Variants in ITSN1 observed in about 807,000 individuals in gnomAD.
ITSN1 encodes the protein intersectin 1, also known as intersectin-1.
Under a neutral mutation model 239.8 loss-of-function variants are expected in ITSN1, and 58 were observed. That is an observed-to-expected ratio of 0.24 (90% CI 0.20 to 0.30). The LOEUF (loss-of-function observed/expected upper bound fraction) is 0.30, where lower values mean the gene tolerates loss of function less well. Among genes scored for constraint, ITSN1 ranks in the 10% least tolerant of loss-of-function variants. ITSN1 has a pLI of 1.00. For missense variants in ITSN1, 1,558 were observed against 2,103.3 expected, an observed-to-expected ratio of 0.74 and a Z score of 5.07; for synonymous variants, 780 against 770.8, an observed-to-expected ratio of 1.01 and a Z score of -0.20.
At chr21:33,794,086 AG>A (rs1186310784) in intron 16 of ITSN1, among the ~76,000 whole-genome samples, 1 of 152,236 alleles carries the variant, frequency 6.6e-6, no homozygotes, top group African/African-American at 2.4e-5. Flanking sequence ...CTTCGCTAGC[AG>A]GTTTCTTCTA....
chr21:33,709,518 G>A, intron 1 of ITSN1, among the ~76,000 whole-genome samples: 1 of 152,138 alleles, frequency 6.6e-6, no homozygotes, highest in East Asian at 1.9e-4. Flanking sequence ...CTGTCCTCAG[G>A]TGACTCACCC....
intron 24 of ITSN1, among the ~76,000 whole-genome samples, 177 bp from the exon 25 acceptor site, chr21:33,823,310 A>C (rs1183207503): frequency 6.6e-6 from 1 of 152,168 alleles, no homozygotes. Flanking sequence ...TTTTATGTGC[A>C]CTGGGGGAAT....
At chr21:33,720,668 A>G (rs958773707) in intron 2 of ITSN1, among the ~76,000 whole-genome samples, 6 of 152,186 alleles carry the variant, frequency 3.9e-5, no homozygotes, top group South Asian at 4.1e-4. Context: ...CTTTAGTTGT[A>G]TAATAATTTT....
In ITSN1 at chr21:33,771,905, G is replaced by A. The variant is rs540775875; in HGVS notation, c.1043-156G>A. The A allele has an allele frequency of 8.3e-5, 60 of 722,394 alleles. 1 individual carries two copies. In the South Asian group the frequency reaches 1.0e-3, roughly 12 times the overall value. 44.7% of individuals were successfully genotyped at this position (722,394 alleles called of 1,614,324 possible). On this transcript the variant is annotated intron_variant, in intron 11 of 39. Coordinates refer to ENST00000381318, the MANE Select transcript of ITSN1 (RefSeq NM_003024.3). ...TATAAACAGAGAGGTTAGGCAAAGG[G>A]GGTTTTCGTTGTGCTCATTAACAAG... is the stretch of plus-strand genomic sequence containing the variant.
At chr21:33,812,643 T>C (rs1261047570) in intron 21 of ITSN1, among the ~76,000 whole-genome samples, 3 of 151,994 alleles carry the variant, frequency 2.0e-5, no homozygotes, top group Non-Finnish European at 4.4e-5. Context: ...GGCCTACAGG[T>C]GCATGCCACC....
intron 36 of ITSN1, 148 bp downstream of exon 36, chr21:33,883,819 T>C: frequency 3.8e-6 from 3 of 790,488 alleles, no homozygotes; most frequent in Non-Finnish European, 3.7e-6. Context: ...ATTACTTTTT[T>C]CTACAGCCTC....
chr21:33,867,438 TAGAA>T (rs1981801996), intron 33 of ITSN1, 107 bp downstream of exon 33: 1 of 711,006 alleles, frequency 1.4e-6, no homozygotes, highest in Admixed American at 2.1e-5. Flanking sequence ...AACTGTTGTG[TAGAA>T]AGCACGAGAC....
At chr21:33,646,107 A>G (rs746620706) in intron 1 of ITSN1, among the ~76,000 whole-genome samples, 1 of 152,224 alleles carries the variant, frequency 6.6e-6, no homozygotes, top group Non-Finnish European at 1.5e-5. Flanking sequence ...AGTTAGTGGC[A>G]TATTAAAGCC....
At chr21:33,709,558 A>G (rs2092353031) in intron 1 of ITSN1, among the ~76,000 whole-genome samples, 1 of 152,190 alleles carries the variant, frequency 6.6e-6, no homozygotes, top group Admixed American at 6.5e-5. Context: ...CTGAGGTTAC[A>G]GGCGTGAGGC....
chr21:33,680,224 T>C (rs76580531), intron 1 of ITSN1, among the ~76,000 whole-genome samples: 2,541 of 152,294 alleles, frequency 0.017, 33 homozygotes, highest in Middle Eastern at 0.034. Context: ...TTGTCTTGTG[T>C]CCTGTGGAAT....
At chr21:33,829,152 G>A in intron 26 of ITSN1, 1 of 384,718 alleles carries the variant, frequency 2.6e-6, no homozygotes, top group South Asian at 2.0e-5. Context: ...TGAGGAAAAT[G>A]GGCTTCTCTT....
chr21:33,813,989 C>T lies in ITSN1; in HGVS notation c.2644C>T (p.Pro882Ser). ...GGCAGCCCAGCCCTCTCTCACCGTT[C>T]CAAGTGCCGGCCAGTTAAGGCAGAG... ...AWAAQPSLTV[P>S]SAGQLRQRSA... The change falls in exon 22 of 40, where the codon CCA (proline) becomes TCA (serine). Residue 882 changes from proline (P) to serine (S), a missense_variant. Physicochemically the swap from Pro to Ser is moderately conservative, Grantham distance 74 (BLOSUM62 -1). Coordinates refer to ENST00000381318, the MANE Select transcript of ITSN1 (RefSeq NM_003024.3). 6.2e-7 allele frequency: 1 copy of T among 1,614,186 alleles called. No individual in the cohort carries two copies. The highest frequency in any genetic ancestry group is 8.5e-7 in the Non-Finnish European group (1 of 1,180,020).
chr21:33,846,019 A>AC (rs2074979421), intron 29 of ITSN1, among the ~76,000 whole-genome samples: 1 of 151,264 alleles, frequency 6.6e-6, no homozygotes, highest in Non-Finnish European at 1.5e-5. Context: ...GAATGACTCA[A>AC]CCCCCCTTGT....
intron 1 of ITSN1, among the ~76,000 whole-genome samples, chr21:33,651,726 A>C (rs1053031805): frequency 6.6e-6 from 1 of 152,178 alleles, no homozygotes; most frequent in African/African-American, 2.4e-5. Context: ...AGGCTTTTGC[A>C]TTGTCTATAG....
chr21:33,829,561 T>C, intron 26 of ITSN1, 63 bp from the exon 27 acceptor site: 1 of 1,587,552 alleles, frequency 6.3e-7, no homozygotes. Flanking sequence ...CGCCTGCATC[T>C]TCTTGGCCTT....
intron 1 of ITSN1, among the ~76,000 whole-genome samples, chr21:33,690,775 G>GTATATATATATATACATATATATATA (rs1227484362): frequency 9.2e-5 from 2 of 21,624 alleles, no homozygotes; most frequent in East Asian, 7.3e-4. Context: ...AAAAAAAAGT[G>GTATATATATATATACATATATATATA]TATATATATA....
chr21:33,675,791 C>T (rs1292267229), intron 1 of ITSN1, among the ~76,000 whole-genome samples: 1 of 152,076 alleles, frequency 6.6e-6, no homozygotes, highest in African/African-American at 2.4e-5. Flanking sequence ...GTCAGTTGGT[C>T]GTTTAAATTT....
At chr21:33,863,998 T>A (rs1244071024) in intron 31 of ITSN1, among the ~76,000 whole-genome samples, 1 of 152,248 alleles carries the variant, frequency 6.6e-6, no homozygotes, top group East Asian at 1.9e-4. Context: ...TCATTTATGG[T>A]CCCTAAGTTT....
intron 1 of ITSN1, among the ~76,000 whole-genome samples, chr21:33,652,204 G>A (rs988547792): frequency 1.3e-5 from 2 of 152,124 alleles, no homozygotes; most frequent in South Asian, 2.1e-4. Context: ...GTGGCAGGAC[G>A]GTCCAGGGCC....
Sources: gnomAD v4.1 joint callset for allele counts (sites outside exome capture counted in the v4.1 genomes callset) on GRCh38, gnomAD v4.1.1 for gene constraint, MANE v1.5 for transcripts, NCBI Gene and HGNC (gene_info 2026-07-23, HGNC 2026-07-21) for gene names.